Variants in SNRPN observed in about 807,000 individuals in gnomAD.
SNRPN encodes small nuclear ribonucleoprotein-associated protein N.
SNRPN carries 7 observed loss-of-function variants against 25.2 expected under a neutral mutation model. The ratio of observed to expected loss-of-function variants is 0.28; its 90% confidence interval spans 0.16 to 0.52. The LOEUF (loss-of-function observed/expected upper bound fraction) is 0.52. SNRPN is among the 20% of genes least tolerant of loss of function. The probability of loss-of-function intolerance (pLI) is 0.96; values close to 1 mark genes in which losing one functional copy is unlikely to be tolerated. For missense variants in SNRPN, 196 were observed against 322.5 expected (o/e 0.61, Z 3.00); for synonymous variants, 124 against 110.6 (o/e 1.12, Z -0.76).
intron 2 of SNRPN, chr15:24,908,883 A>T: frequency 1.3e-6 from 1 of 751,754 alleles, no homozygotes; most frequent in Non-Finnish European, 2.2e-6. Flanking sequence ...GCTGTCCATA[A>T]GTTTATTGTC....
At chr15:24,909,934 C>G in intron 2 of SNRPN, 1 of 537,670 alleles carries the variant, frequency 1.9e-6, no homozygotes, top group South Asian at 2.2e-5. Context: ...GTACCTGGAA[C>G]AAGGTATCTG....
upstream of SNRPN, among the ~76,000 whole-genome samples, chr15:24,854,439 G>A (rs960055320): frequency 6.6e-6 from 1 of 152,204 alleles, no homozygotes; most frequent in African/African-American, 2.4e-5. Context: ...ATTAGATAGA[G>A]AACTGTTGTG....
intron 2 of SNRPN, among the ~76,000 whole-genome samples, chr15:24,914,480 C>G (rs2059403069): frequency 6.6e-6 from 1 of 152,100 alleles, no homozygotes; most frequent in South Asian, 2.1e-4. Flanking sequence ...GGATCGATCA[C>G]TTGAGCCCAG....
intron 2 of SNRPN, among the ~76,000 whole-genome samples, chr15:24,893,768 G>A (rs1384366533): frequency 2.6e-5 from 4 of 151,724 alleles, no homozygotes; most frequent in African/African-American, 4.8e-5. Flanking sequence ...GTTCTTTATC[G>A]GTATGGTGAT....
chr15:24,923,881 A>ATGTGTGTG (rs58343685), intron 3 of SNRPN, among the ~76,000 whole-genome samples: 1,704 of 106,068 alleles, frequency 0.016, 35 homozygotes, highest in East Asian at 0.091. Flanking sequence ...AGTGCCGTGT[A>ATGTGTGTG]TGTGTGTGTG....
chr15:24,881,126 T>C (rs1595663561), intron 1 of SNRPN, among the ~76,000 whole-genome samples: 1 of 152,172 alleles, frequency 6.6e-6, no homozygotes, highest in South Asian at 2.1e-4. Flanking sequence ...GATAGGCAGG[T>C]GTTCAAAGCA....
intron 2 of SNRPN, among the ~76,000 whole-genome samples, chr15:24,965,714 CAT>C (rs1008029165): frequency 3.9e-5 from 6 of 152,154 alleles, no homozygotes; most frequent in African/African-American, 1.4e-4. Context: ...CTAAGCTTCA[CAT>C]GTCTTTTCAA....
chr15:24,927,505 T>TTTTTTTTTTTTTTTTG (rs2060489854), intron 3 of SNRPN, among the ~76,000 whole-genome samples: 1 of 123,388 alleles, frequency 8.1e-6, no homozygotes, highest in Admixed American at 8.2e-5. Flanking sequence ...TTTTTTTTTT[T>TTTTTTTTTTTTTTTTG]TTTTTTTTTT....
In SNRPN at chr15:24,871,984, C is replaced by A. The variant is rs957488935; in HGVS notation, c.-578-14532C>A. Among the ~76,000 whole-genome samples, 2 of 120,064 alleles carry A rather than the reference C, an allele frequency of 1.7e-5. 1 individual carries two copies. 78.8% of individuals were successfully genotyped at this position (120,064 alleles called of 152,430 possible). The stretch of plus-strand genomic sequence containing the variant: ...CCTCCCAAAGTGCTAGGATTACAGG[C>A]GTAAGCCACCACGCCCGGCCTTTTG... On this transcript the variant is annotated intron_variant, in intron 1 of 11. Transcript: ENST00000400097.
chr15:24,918,406 CATAAT>C (rs1273699649), intron 2 of SNRPN, among the ~76,000 whole-genome samples: 1 of 62,918 alleles, frequency 1.6e-5, no homozygotes, highest in Non-Finnish European at 3.1e-5. Context: ...ATATATATAA[CATAAT>C]ATATATGTGT....
Position 24,940,748 on chromosome 15 carries a change from C to CTG in SNRPN, c.-391+20642_-391+20643dup, listed in dbSNP as rs148306200. 8.2e-3 allele frequency among the ~76,000 whole-genome samples: 1,234 copies of CTG among 149,782 alleles called. 13 individuals carry two copies. The highest frequency in any genetic ancestry group is 0.023 in the African/African-American group (955 of 40,988). ...GTCAGCAAATTTTCCTCTAAAGGAGCTGTGTGTGTGTGTGTGTGTTTGTGT... is the reference window on the plus strand; with the variant it reads ...GTCAGCAAATTTTCCTCTAAAGGAGCTGTGTGTGTGTGTGTGTGTGTTTGTGT... On this transcript the variant is annotated intron_variant, in intron 3 of 11. Transcript: ENST00000400097.
chr15:24,929,925 C>T lies in SNRPN; in HGVS notation c.-391+9801C>T, dbSNP rs1474088656. Among the ~76,000 whole-genome samples the T allele has an allele frequency of 2.0e-5, 3 of 152,188 alleles. No homozygotes were observed. The highest frequency in any genetic ancestry group is 2.1e-4 in the South Asian group (1 of 4,820). On this transcript the variant is annotated intron_variant, in intron 3 of 11. Transcript: ENST00000400097. This position sits in a 1 kb window ranked among gnomAD's most constrained non-coding sequence, Gnocchi z 5.3. ...AAAAATGGCCAGGCACGGTGGCTCA[C>T]ACCTATAATCCCAGCACTTTGGGAG...
At chr15:24,918,934 C>T (rs34891126) in intron 2 of SNRPN, among the ~76,000 whole-genome samples, 15,948 of 21,252 alleles carry the variant, frequency 0.75, 7,070 homozygotes, top group African/African-American at 0.91. Context: ...TATATATATG[C>T]GCACATATAT....
chr15:24,828,465 T>G (rs1279382580), intron 1 of SNRPN, among the ~76,000 whole-genome samples: 1 of 152,072 alleles, frequency 6.6e-6, no homozygotes, highest in African/African-American at 2.4e-5. Context: ...ATATGTGGCT[T>G]GAACCCGGGA....
upstream of SNRPN, among the ~76,000 whole-genome samples, chr15:24,855,395 C>T (rs1171184109): frequency 6.6e-6 from 1 of 152,104 alleles, no homozygotes; most frequent in Non-Finnish European, 1.5e-5. Flanking sequence ...ATGGATGAAA[C>T]TTGATTTTGA....
At chr15:24,868,634 T>A (rs1432168727) in intron 1 of SNRPN, among the ~76,000 whole-genome samples, 1 of 152,188 alleles carries the variant, frequency 6.6e-6, no homozygotes, top group Non-Finnish European at 1.5e-5. Flanking sequence ...GCTTGCTGTG[T>A]CAGATCTTCT....
At chr15:24,956,908 A>G (rs2063017698) in intron 1 of SNRPN, among the ~76,000 whole-genome samples, 1 of 152,180 alleles carries the variant, frequency 6.6e-6, no homozygotes. Flanking sequence ...CCTGGAGGCC[A>G]TCAAAGGTGC....
At chr15:24,971,143 C>T (rs945835418) in intron 3 of SNRPN, among the ~76,000 whole-genome samples, 1 of 152,072 alleles carries the variant, frequency 6.6e-6, no homozygotes, top group African/African-American at 2.4e-5. Flanking sequence ...GTAGTTTAAT[C>T]ATTTGAAAGT....
At chr15:24,840,015 G>A (rs897874509) in intron 2 of SNRPN, among the ~76,000 whole-genome samples, 1 of 152,176 alleles carries the variant, frequency 6.6e-6, no homozygotes, top group Non-Finnish European at 1.5e-5. Context: ...TGGCCACGAG[G>A]TGCCCAGTCC....
Sources: allele counts gnomAD v4.1 joint callset (sites outside exome capture counted in the v4.1 genomes callset), GRCh38; gene constraint gnomAD v4.1.1; non-coding constraint Gnocchi (gnomAD v3.1); transcripts MANE v1.5; gene names NCBI Gene and HGNC (gene_info 2026-07-23, HGNC 2026-07-21).